The following SLC25A21 variants were observed in gnomAD, a reference collection of about 807,000 sequenced individuals.
The protein encoded by SLC25A21 is mitochondrial 2-oxodicarboxylate carrier.
A neutral mutation model predicts 43.8 loss-of-function variants in SLC25A21; 47 were observed. That is an observed-to-expected ratio of 1.07 (90% CI 0.85 to 1.37). The LOEUF (loss-of-function observed/expected upper bound fraction) is 1.37. SLC25A21 is among the 40% of genes most tolerant of loss of function. The probability of loss-of-function intolerance (pLI) is 0.00; values close to 1 mark genes in which losing one functional copy is unlikely to be tolerated. For synonymous variants in SLC25A21, 131 were observed against 121.3 expected, an observed-to-expected ratio of 1.08 and a Z score of -0.52; for missense variants, 352 against 350.2, an observed-to-expected ratio of 1.00 and a Z score of -0.04.
chr14:37,158,587 A>C (rs1288445505), intron 1 of SLC25A21, among the ~76,000 whole-genome samples: 18 of 152,168 alleles, frequency 1.2e-4, no homozygotes, highest in Admixed American at 1.2e-3. Flanking sequence ...ACCTCAAAAA[A>C]ATAAAGGTCA....
At chr14:36,888,177 A>G (rs1167493733) in intron 1 of SLC25A21, among the ~76,000 whole-genome samples, 1 of 152,296 alleles carries the variant, frequency 6.6e-6, no homozygotes, top group South Asian at 2.1e-4. Flanking sequence ...TTAGCCTACT[A>G]GGTTCAAATA....
chr14:36,942,867 A>G (rs1892598117), intron 1 of SLC25A21, among the ~76,000 whole-genome samples: 1 of 152,184 alleles, frequency 6.6e-6, no homozygotes, highest in Admixed American at 6.5e-5. Flanking sequence ...AAACTAAAAT[A>G]TTATGTGCAG....
At chr14:36,741,420 T>G (rs1885258375) in intron 3 of SLC25A21, among the ~76,000 whole-genome samples, 1 of 152,030 alleles carries the variant, frequency 6.6e-6, no homozygotes, top group African/African-American at 2.4e-5. Context: ...AAAGAGAAAA[T>G]GCATATAAAG....
chr14:37,060,127 G>C (rs1251270005), intron 1 of SLC25A21, among the ~76,000 whole-genome samples: 1 of 151,658 alleles, frequency 6.6e-6, no homozygotes, highest in Non-Finnish European at 1.5e-5. Context: ...TTAGGAGGTA[G>C]GGCCTTGGGC....
chr14:36,926,455 A>G (rs1169145457), intron 1 of SLC25A21, among the ~76,000 whole-genome samples: 2 of 152,164 alleles, frequency 1.3e-5, no homozygotes, highest in African/African-American at 4.8e-5. Context: ...GAGGAAAAAG[A>G]CCTTAGGAAG....
intron 2 of SLC25A21, among the ~76,000 whole-genome samples, chr14:36,861,471 A>G (rs551968812): frequency 2.3e-4 from 35 of 152,298 alleles, no homozygotes; most frequent in African/African-American, 7.7e-4. Context: ...TCTTCTCTCA[A>G]GCAGCCTCTT....
At chr14:36,775,590 G>A (rs848122) in intron 3 of SLC25A21, among the ~76,000 whole-genome samples, 24,488 of 152,034 alleles carry the variant, frequency 0.16, 2,236 homozygotes, top group Middle Eastern at 0.25. Flanking sequence ...GCAAGACTTC[G>A]AATAATGGGT....
chr14:37,149,164 A>C (rs1360963699), intron 1 of SLC25A21, among the ~76,000 whole-genome samples: 1 of 152,110 alleles, frequency 6.6e-6, no homozygotes, highest in Non-Finnish European at 1.5e-5. Flanking sequence ...CTTAGATGCC[A>C]GTGCCTCTAC....
At chr14:36,755,050 A>G (rs1252267791) in intron 3 of SLC25A21, among the ~76,000 whole-genome samples, 2 of 151,978 alleles carry the variant, frequency 1.3e-5, no homozygotes, top group African/African-American at 2.4e-5. Flanking sequence ...AAATCACACA[A>G]ACAATCTACA....
intron 1 of SLC25A21, among the ~76,000 whole-genome samples, chr14:37,054,273 C>T (rs11847695): frequency 6.6e-6 from 1 of 152,182 alleles, no homozygotes; most frequent in Non-Finnish European, 1.5e-5. Flanking sequence ...CAACTAGGAT[C>T]TCTCAAACCA....
intron 2 of SLC25A21, among the ~76,000 whole-genome samples, chr14:36,833,966 T>C (rs1253358187): frequency 6.6e-6 from 1 of 152,216 alleles, no homozygotes; most frequent in Non-Finnish European, 1.5e-5. Context: ...AGACTCTTGA[T>C]TTCTTTGAAA....
chr14:36,902,440 AACAC>A (rs3061763), intron 1 of SLC25A21, among the ~76,000 whole-genome samples: 11 of 150,100 alleles, frequency 7.3e-5, no homozygotes, highest in South Asian at 4.2e-4. Flanking sequence ...CGTATAGTAA[AACAC>A]ACACACACAC....
At chr14:36,807,305 A>G (rs907982239) in intron 3 of SLC25A21, 1 of 152,266 alleles carries the variant, frequency 6.6e-6, no homozygotes, top group Non-Finnish European at 1.5e-5. Flanking sequence ...ACTGCATTCC[A>G]GCTTGGCAAT....
intron 1 of SLC25A21, among the ~76,000 whole-genome samples, chr14:37,042,804 T>TA (rs1234016683): frequency 2.8e-4 from 42 of 152,210 alleles, no homozygotes; most frequent in Non-Finnish European, 7.3e-5. Context: ...ATCATTCTCT[T>TA]ACCTTTTCCA....
chr14:37,019,678 G>A (rs1477711203), intron 1 of SLC25A21, among the ~76,000 whole-genome samples: 1 of 151,800 alleles, frequency 6.6e-6, no homozygotes, highest in Non-Finnish European at 1.5e-5. Flanking sequence ...AAGTGTGTAA[G>A]AGGATGTCAA....
At chr14:36,939,561 A>C (rs10149290) in intron 1 of SLC25A21, among the ~76,000 whole-genome samples, 1 of 151,732 alleles carries the variant, frequency 6.6e-6, no homozygotes, top group African/African-American at 2.4e-5. Flanking sequence ...CCAGAACCCA[A>C]CCTCTCTCCT....
intron 1 of SLC25A21, among the ~76,000 whole-genome samples, chr14:36,918,598 C>G (rs1264491933): frequency 6.6e-6 from 1 of 151,950 alleles, no homozygotes; most frequent in Non-Finnish European, 1.5e-5. Context: ...GGGATTTCAC[C>G]AAAGGCAAGG....
At chr14:36,946,908 T>C (rs1451239864) in intron 1 of SLC25A21, among the ~76,000 whole-genome samples, 5 of 152,176 alleles carry the variant, frequency 3.3e-5, no homozygotes, top group East Asian at 3.8e-4. Context: ...CATAATATTA[T>C]AGTATTTTTT....
At chr14:37,166,077 C>A (rs1048718119) in intron 1 of SLC25A21, among the ~76,000 whole-genome samples, 1 of 152,150 alleles carries the variant, frequency 6.6e-6, no homozygotes, top group African/African-American at 2.4e-5. Context: ...TTGTGAGAAA[C>A]AGAAAAAGGT....
Sources: allele counts gnomAD v4.1 joint callset (sites outside exome capture counted in the v4.1 genomes callset), GRCh38; gene constraint gnomAD v4.1.1; transcripts MANE v1.5; gene names NCBI Gene and HGNC (gene_info 2026-07-23, HGNC 2026-07-21).